The following JAKMIP1 variants were observed in gnomAD, a reference collection of about 807,000 sequenced individuals.
The protein encoded by JAKMIP1 is janus kinase and microtubule interacting protein 1.
A neutral mutation model predicts 113.0 loss-of-function variants in JAKMIP1; 33 were observed. The ratio of observed to expected loss-of-function variants is 0.29; its 90% CI spans 0.22 to 0.39. JAKMIP1 has a LOEUF of 0.39. Ranked by LOEUF, JAKMIP1 falls within the 10% of genes least tolerant of loss-of-function variation. The pLI is 1.00. For missense variants in JAKMIP1, 813 were observed against 1,080.5 expected, an observed-to-expected ratio of 0.75 and a Z score of 3.47; for synonymous variants, 480 against 459.9, an observed-to-expected ratio of 1.04 and a Z score of -0.56.
In JAKMIP1 at chr4:6,080,193, G is replaced by T. The variant is rs574311251; in HGVS notation, c.1221C>A (p.His407Gln). The change falls in exon 7 of 21, where the codon CAC (histidine) becomes CAA (glutamine). Residue 407 changes from histidine to glutamine, a missense_variant. His to Gln is a conservative substitution (Grantham distance 24, BLOSUM62 0). Coordinates refer to ENST00000409021, the MANE Select transcript of JAKMIP1 (RefSeq NM_001099433.2). The surrounding 1 kb of genome is among the most constrained non-coding windows in gnomAD (Gnocchi z 6.0). ...FLRLQVLEQQ[H>Q]VIDDLSLERE... Reference sequence around the variant, plus strand: ...GTACCAGTGAGAGGTCGTCAATGACGTGCTGCTGCTCCAGCACCTGCAGCC... The same window carrying T: ...GTACCAGTGAGAGGTCGTCAATGACTTGCTGCTGCTCCAGCACCTGCAGCC... The T allele has an allele frequency of 6.2e-7, 1 of 1,612,388 alleles. No homozygotes were observed. Among genetic ancestry groups the T allele is most frequent in the African/African-American group, 1.3e-5 (1 of 75,042 alleles).
At chr4:6,048,729 T>C in intron 16 of JAKMIP1, 128 bp downstream of exon 16, 1 of 726,604 alleles carries the variant, frequency 1.4e-6, no homozygotes, top group South Asian at 1.7e-5. Context: ...GGCATGCATG[T>C]GCACGTGCAG....
At position 6,065,087 on chromosome 4, in the gene JAKMIP1, A is replaced by G; in HGVS notation, c.1303-79T>C. 6.4e-7 allele frequency: 1 copy of G among 1,559,770 alleles called. No homozygotes were observed. On this transcript the variant is annotated intron_variant, in intron 8 of 20. Coordinates refer to ENST00000409021, the MANE Select transcript of JAKMIP1 (RefSeq NM_001099433.2). This position sits in a 1 kb window ranked among gnomAD's most constrained non-coding sequence, Gnocchi z 5.1. ...ACCAGTCCCTGGTCGTGGGCATGCC[A>G]GTGCAGGGGGGTGATGATTGACATT...
At chr4:6,182,967 C>T (rs1433200273) in intron 1 of JAKMIP1, among the ~76,000 whole-genome samples, 1 of 152,202 alleles carries the variant, frequency 6.6e-6, no homozygotes, top group East Asian at 1.9e-4. Context: ...AGGCCAGTGC[C>T]AGCTCCCAAG....
In JAKMIP1 at chr4:6,197,913, C is replaced by CA. The variant is rs1385600526; in HGVS notation, c.-148+2339dup. 6.6e-6 allele frequency among the ~76,000 whole-genome samples: 1 copy of CA among 152,260 alleles called. No individual in the cohort carries two copies. The highest frequency in any genetic ancestry group is 1.5e-5 in the Non-Finnish European group (1 of 68,042). On this transcript the variant is annotated intron_variant, in intron 1 of 20. Coordinates refer to ENST00000409021, the MANE Select transcript of JAKMIP1 (RefSeq NM_001099433.2). The surrounding 1 kb of genome is among the most constrained non-coding windows in gnomAD (Gnocchi z 6.5). ...TGTCCCACAGCCCAATCCACCCTTACACACCAAGAGAGTGGGGCCACGGTC... is the reference window on the plus strand; with the variant it reads ...TGTCCCACAGCCCAATCCACCCTTACAACACCAAGAGAGTGGGGCCACGGTC...
chr4:6,055,225 A>G (rs1716220013), intron 12 of JAKMIP1, among the ~76,000 whole-genome samples: 1 of 152,022 alleles, frequency 6.6e-6, no homozygotes, highest in Non-Finnish European at 1.5e-5. Context: ...AGTGGACTGG[A>G]GGCTGCCAGG....
chr4:6,083,954 T>C (rs1190885337), intron 5 of JAKMIP1, among the ~76,000 whole-genome samples: 5 of 152,208 alleles, frequency 3.3e-5, no homozygotes, highest in Non-Finnish European at 7.3e-5. Context: ...TTTACAAGTA[T>C]ATAAAATTTT....
At chr4:6,133,297 G>T (rs1372421210) in intron 1 of JAKMIP1, among the ~76,000 whole-genome samples, 1 of 152,170 alleles carries the variant, frequency 6.6e-6, no homozygotes, top group Non-Finnish European at 1.5e-5. Context: ...TGGTGACTTC[G>T]AGCACAAGCT....
At position 6,154,250 on chromosome 4, in the gene JAKMIP1, A is replaced by C. The variant is rs1187499653; in HGVS notation, c.-147-41253T>G. Among the ~76,000 whole-genome samples, 1 of 152,246 alleles carries C rather than the reference A, an allele frequency of 6.6e-6. No individual in the cohort carries two copies. The highest frequency in any genetic ancestry group is 1.5e-5 in the Non-Finnish European group (1 of 68,050). ...ATCACTGGACGTGCAGAGAGGCTGC[A>C]CTGGGGAGAGTTGCTCCTATTTTAG... On this transcript the variant is annotated intron_variant, in intron 1 of 20. Transcript: ENST00000409021. The surrounding 1 kb of genome is among the most constrained non-coding windows in gnomAD (Gnocchi z 4.2).
At chr4:6,130,007 T>G (rs932019794) in intron 1 of JAKMIP1, among the ~76,000 whole-genome samples, 2 of 152,116 alleles carry the variant, frequency 1.3e-5, no homozygotes, top group African/African-American at 4.8e-5. Context: ...CTCTCTAAAT[T>G]TGGAAGACTC....
chr4:6,195,989 T>C (rs1051391383), intron 1 of JAKMIP1, among the ~76,000 whole-genome samples: 7 of 152,350 alleles, frequency 4.6e-5, no homozygotes, highest in Middle Eastern at 3.4e-3. Flanking sequence ...TTAACTGTTA[T>C]AATGAAGAAA....
rs1722433931 is a variant in JAKMIP1 at position 6,093,864 on chromosome 4, T to C, written c.625-8235A>G. On this transcript the variant is annotated intron_variant, in intron 3 of 20. Coordinates refer to ENST00000409021, the MANE Select transcript of JAKMIP1 (RefSeq NM_001099433.2). The surrounding 1 kb of genome is among the most constrained non-coding windows in gnomAD (Gnocchi z 4.6). ...AGTGCCTCTGCCCACCACCACTCAA[T>C]GTGTCTGGTCAACCTGTGTGCAGGG... Among the ~76,000 whole-genome samples the C allele has an allele frequency of 6.6e-6, 1 of 152,074 alleles. No individual in the cohort carries two copies. Among genetic ancestry groups the C allele is most frequent in the African/African-American group, 2.4e-5 (1 of 41,428 alleles).
chr4:6,109,972 G>C (rs1054765678), intron 2 of JAKMIP1, among the ~76,000 whole-genome samples: 2 of 152,264 alleles, frequency 1.3e-5, no homozygotes, highest in East Asian at 1.9e-4. Context: ...ATCAGCCAGC[G>C]TGCATCCAAG....
Position 6,029,629 on chromosome 4 carries a change from A to G in JAKMIP1, c.2445+87T>C, listed in dbSNP as rs79745521. 1.6e-3 allele frequency: 1,387 copies of G among 878,678 alleles called. 20 individuals are homozygous for G. In the African/African-American group the frequency reaches 0.021, roughly 13 times the overall value. The allele number at this position is 878,678 out of a possible 1,614,324, so 54.4% of individuals were successfully genotyped here. On this transcript the variant is annotated intron_variant, in intron 20 of 20. Coordinates refer to ENST00000409021, the MANE Select transcript of JAKMIP1 (RefSeq NM_001099433.2). ...GAAAGGAGGGCTGGAGACAGAGTCT[A>G]TGCTTTGGACCTTATGAAATAAAAT...
intron 3 of JAKMIP1, 33 bp downstream of exon 3, chr4:6,105,440 G>T (rs372092187): frequency 2.2e-4 from 336 of 1,546,880 alleles, no homozygotes; most frequent in Admixed American, 7.0e-4. Flanking sequence ...GGAAGGCCGC[G>T]TGCCCGCGGG....
At chr4:6,072,839 G>A (rs1719160456) in intron 8 of JAKMIP1, among the ~76,000 whole-genome samples, 1 of 152,108 alleles carries the variant, frequency 6.6e-6, no homozygotes, top group Non-Finnish European at 1.5e-5. Flanking sequence ...TTGACTTTGG[G>A]AGGCCGAGGC....
chr4:6,030,690 G>A (rs368531592), intron 19 of JAKMIP1, among the ~76,000 whole-genome samples: 3 of 152,366 alleles, frequency 2.0e-5, no homozygotes, highest in African/African-American at 7.2e-5. Context: ...AATGCTGGGA[G>A]GCGGAAGGGT....
rs151149669 is a variant in JAKMIP1, at chr4:6,085,483, G to T, written c.771C>A (p.His257Gln). 3.7e-6 allele frequency: 6 copies of T among 1,614,102 alleles called. No individual in the cohort carries two copies. Among genetic ancestry groups the T allele is most frequent in the Non-Finnish European group, 8.5e-7 (1 of 1,180,048 alleles). Residue 257 changes from histidine to glutamine, a missense_variant, in exon 4 of 21, where the codon CAC becomes CAA. His to Gln is a conservative substitution (Grantham distance 24). Transcript: ENST00000409021. ...GCGGGAGCTCTCTCTTTGGACTACT[G>T]TGGTGCCGCTCGGCCTCCTTGACCT... is the stretch of plus-strand genomic sequence containing the variant. ...LVQVKEAERH[H>Q]SSPKRELPPG...
Position 6,105,928 on chromosome 4 carries a change from C to A in JAKMIP1, c.169G>T (p.Glu57Ter). Residue 57 changes from glutamate (E) to a stop codon, truncating the protein, a stop_gained, in exon 3 of 21, where the codon GAG (glutamate) becomes TAG (stop). Coordinates refer to ENST00000409021, the MANE Select transcript of JAKMIP1 (RefSeq NM_001099433.2). LOFTEE classifies it high-confidence loss of function. ...LRERLQEAKLEREQEQRRHTA... is the reference protein window; with the variant it reads ...LRERLQEAKL The stretch of plus-strand genomic sequence containing the variant: ...TGCCGTCGCTGCTCCTGCTCGCGCT[C>A]CAGCTTCGCCTCCTGCAGCCGCTCG... 6.2e-7 allele frequency: 1 copy of A among 1,609,520 alleles called. No homozygotes were observed. Among genetic ancestry groups the A allele is most frequent in the Non-Finnish European group, 8.5e-7 (1 of 1,178,724 alleles).
At position 6,094,664 on chromosome 4, in the gene JAKMIP1, C is replaced by T. The variant is rs1469747604; in HGVS notation, c.625-9035G>A. Among the ~76,000 whole-genome samples the T allele has an allele frequency of 6.6e-6, 1 of 152,220 alleles. No homozygotes were observed. Among genetic ancestry groups the T allele is most frequent in the Non-Finnish European group, 1.5e-5 (1 of 68,040 alleles). On this transcript the variant is annotated intron_variant, in intron 3 of 20. Transcript: ENST00000409021. The surrounding 1 kb of genome is among the most constrained non-coding windows in gnomAD (Gnocchi z 4.2). Reference sequence around the variant, plus strand: ...CACTCTTTCAAAAATAAAGTTTTAACTCTTATTAGGAAAGGAATGCAGATC... The same window carrying T: ...CACTCTTTCAAAAATAAAGTTTTAATTCTTATTAGGAAAGGAATGCAGATC...
Sources: allele counts gnomAD v4.1 joint callset (sites outside exome capture counted in the v4.1 genomes callset), GRCh38; gene constraint gnomAD v4.1.1; non-coding constraint Gnocchi (gnomAD v3.1); transcripts MANE v1.5; gene names NCBI Gene and HGNC (gene_info 2026-07-23, HGNC 2026-07-21).